The following CNR2 variants were observed in gnomAD, a reference collection of about 807,000 sequenced individuals.
CNR2 encodes the protein cannabinoid receptor 2.
For synonymous variants in CNR2, 172 were observed against 182.2 expected (o/e 0.94, Z 0.45); for missense variants, 379 against 439.9 (o/e 0.86, Z 1.24).
At chr1:23,880,773 T>C (rs1229050408) in intron 1 of CNR2, among the ~76,000 whole-genome samples, 1 of 151,232 alleles carries the variant, frequency 6.6e-6, no homozygotes, top group Non-Finnish European at 1.5e-5. Flanking sequence ...CGTTTCACCA[T>C]GTTGGCCAGG....
intron 1 of CNR2, among the ~76,000 whole-genome samples, chr1:23,897,744 G>C (rs1255060759): frequency 1.3e-5 from 2 of 152,148 alleles, no homozygotes; most frequent in Non-Finnish European, 2.9e-5. Context: ...ACAGGCATGA[G>C]CCACCACGCC....
At chr1:23,896,881 G>GTTTTTTT (rs5773060) in intron 1 of CNR2, among the ~76,000 whole-genome samples, 3 of 141,802 alleles carry the variant, frequency 2.1e-5, no homozygotes, top group Non-Finnish European at 1.5e-5. Context: ...CACCAGGAGT[G>GTTTTTTT]TTTTTTTTTT....
intron 1 of CNR2, among the ~76,000 whole-genome samples, chr1:23,894,030 G>A (rs1236816278): frequency 1.3e-5 from 2 of 151,906 alleles, no homozygotes; most frequent in African/African-American, 4.8e-5. Context: ...CTGAGGTGGT[G>A]GATTGCTGGA....
At chr1:23,886,654 G>A (rs1419224826) in intron 1 of CNR2, among the ~76,000 whole-genome samples, 2 of 152,142 alleles carry the variant, frequency 1.3e-5, no homozygotes, top group East Asian at 3.8e-4. Flanking sequence ...CTTTCTTCAA[G>A]GCAGCCCAGG....
chr1:23,880,429 C>T (rs951307715), intron 1 of CNR2, among the ~76,000 whole-genome samples: 4 of 152,256 alleles, frequency 2.6e-5, no homozygotes, highest in Admixed American at 6.5e-5. Flanking sequence ...CCGCCTTAGC[C>T]TCCCAAAGTG....
intron 1 of CNR2, among the ~76,000 whole-genome samples, chr1:23,889,682 G>A (rs1018444908): frequency 1.3e-5 from 2 of 151,958 alleles, no homozygotes; most frequent in African/African-American, 4.8e-5. Flanking sequence ...TGATTCCCAA[G>A]GTCTCCTCGA....
At chr1:23,911,783 G>A (rs1640590708) in intron 1 of CNR2, among the ~76,000 whole-genome samples, 1 of 152,116 alleles carries the variant, frequency 6.6e-6, no homozygotes, top group Admixed American at 6.5e-5. Flanking sequence ...AAGGGTAAAG[G>A]ATATGCTTCA....
chr1:23,886,155 C>T (rs1557526786), intron 1 of CNR2, among the ~76,000 whole-genome samples: 1 of 149,698 alleles, frequency 6.7e-6, no homozygotes, highest in Non-Finnish European at 1.5e-5. Flanking sequence ...CACCACTGCA[C>T]TCCAGCCTGG....
intron 1 of CNR2, among the ~76,000 whole-genome samples, chr1:23,898,797 T>A (rs1305480908): frequency 7.9e-5 from 12 of 151,176 alleles, no homozygotes; most frequent in Admixed American, 6.6e-5. Context: ...GGATTACAGA[T>A]GTGCACCACC....
chr1:23,879,047 T>C (rs529190618), intron 1 of CNR2, among the ~76,000 whole-genome samples: 1 of 152,274 alleles, frequency 6.6e-6, no homozygotes, highest in Admixed American at 6.5e-5. Flanking sequence ...AGTGAGCAAG[T>C]AAGTTGACAA....
At chr1:23,884,804 A>AT (rs34296408) in intron 1 of CNR2, among the ~76,000 whole-genome samples, 17,235 of 149,016 alleles carry the variant, frequency 0.12, 1,236 homozygotes, top group East Asian at 0.33. Flanking sequence ...CTCAAAAACA[A>AT]TTTTTTTTTT....
chr1:23,911,739 G>A (rs1033377098), intron 1 of CNR2, among the ~76,000 whole-genome samples: 1 of 152,146 alleles, frequency 6.6e-6, no homozygotes, highest in Non-Finnish European at 1.5e-5. Flanking sequence ...CCATTTTCCC[G>A]TCTTCACTGC....
intron 1 of CNR2, among the ~76,000 whole-genome samples, chr1:23,884,779 G>T (rs1390959718): frequency 1.3e-5 from 2 of 151,168 alleles, no homozygotes; most frequent in African/African-American, 4.9e-5. Flanking sequence ...CACAATGCTT[G>T]CTGCATAGCA....
chr1:23,892,720 A>C (rs1014407257), intron 1 of CNR2, among the ~76,000 whole-genome samples: 15 of 152,276 alleles, frequency 9.9e-5, no homozygotes, highest in African/African-American at 2.6e-4. Flanking sequence ...ACTCTTTTTA[A>C]GGAAAGAATG....
chr1:23,882,320 C>T (rs371009991), intron 1 of CNR2, among the ~76,000 whole-genome samples: 5 of 152,072 alleles, frequency 3.3e-5, no homozygotes, highest in African/African-American at 1.2e-4. Context: ...TTCCTCAAAC[C>T]TATGATGACA....
chr1:23,908,347 T>A (rs188694603), intron 1 of CNR2, among the ~76,000 whole-genome samples: 9 of 152,290 alleles, frequency 5.9e-5, no homozygotes, highest in African/African-American at 2.2e-4. Flanking sequence ...CAGGCTAGAG[T>A]GCAGTAGCAC....
intron 1 of CNR2, among the ~76,000 whole-genome samples, chr1:23,887,393 G>A (rs1243882602): frequency 1.3e-5 from 2 of 152,172 alleles, no homozygotes; most frequent in African/African-American, 4.8e-5. Flanking sequence ...TCAGGAAATG[G>A]CTCACCCCAT....
At chr1:23,900,504 C>CT (rs56203777) in intron 1 of CNR2, among the ~76,000 whole-genome samples, 4 of 82,080 alleles carry the variant, frequency 4.9e-5, no homozygotes, top group African/African-American at 1.8e-4. Flanking sequence ...TCCCTGATCT[C>CT]TTTTTTTTTT....
At chr1:23,902,272 G>C (rs6662481) in intron 1 of CNR2, 1,446,315 of 1,450,796 alleles carry the variant, frequency 1, 721,037 homozygotes, top group East Asian at 1. Flanking sequence ...CAGAAGCCTT[G>C]GGACCGCAGG....
Sources: gnomAD v4.1 joint callset for allele counts (sites outside exome capture counted in the v4.1 genomes callset) on GRCh38, gnomAD v4.1.1 for gene constraint, MANE v1.5 for transcripts, NCBI Gene and HGNC (gene_info 2026-07-23, HGNC 2026-07-21) for gene names.